HMCN1: variants seen among roughly 807,000 people sequenced by gnomAD.
The protein encoded by HMCN1 is hemicentin-1.
HMCN1 carries 321 observed loss-of-function variants against 625.9 expected under a neutral mutation model. That is an observed-to-expected ratio of 0.51 (90% confidence interval 0.47 to 0.56). HMCN1 has a LOEUF of 0.56. HMCN1 is among the 20% of genes least tolerant of loss of function. HMCN1 has a pLI of 0.00. For synonymous variants in HMCN1, 2,425 were observed against 2,417.6 expected, an observed-to-expected ratio of 1.00 and a Z score of -0.09; for missense variants, 6,588 against 6,887.3, an observed-to-expected ratio of 0.96 and a Z score of 1.54.
Position 186,007,317 on chromosome 1 carries a change from C to T in HMCN1, c.4630+35C>T, listed in dbSNP as rs747015151. The T allele has an allele frequency of 9.7e-5, 155 of 1,600,530 alleles. 2 individuals carry two copies. The highest frequency in any genetic ancestry group is 2.7e-5 in the Non-Finnish European group (31 of 1,168,342). ...ATTGTCTTATGCTTTTTATTGTCTG[C>T]TCTCATTATAAGTTGACAAGCAGGG... On this transcript the variant is annotated intron_variant, in intron 30 of 106. Transcript: ENST00000271588.
chr1:185,876,188 T>A (rs1475879711), intron 4 of HMCN1, among the ~76,000 whole-genome samples: 1 of 152,028 alleles, frequency 6.6e-6, no homozygotes, highest in Admixed American at 6.6e-5. Flanking sequence ...TTTTGAGTTA[T>A]TTCATTTAAG....
intron 104 of HMCN1, among the ~76,000 whole-genome samples, chr1:186,180,216 C>A (rs1558286420): frequency 6.6e-6 from 1 of 152,106 alleles, no homozygotes; most frequent in Non-Finnish European, 1.5e-5. Flanking sequence ...AAATTTTATG[C>A]CCACAATTTT....
At chr1:185,768,199 T>C (rs1262003927) in intron 1 of HMCN1, among the ~76,000 whole-genome samples, 3 of 152,198 alleles carry the variant, frequency 2.0e-5, no homozygotes, top group African/African-American at 7.2e-5. Flanking sequence ...AAACTTACAA[T>C]TGGTATAACC....
chr1:186,009,536 T>C (rs763235939), intron 30 of HMCN1, among the ~76,000 whole-genome samples: 13 of 152,084 alleles, frequency 8.5e-5, no homozygotes, highest in Admixed American at 2.6e-4. Context: ...GAAGAATACA[T>C]ATGTAGATTT....
chr1:185,791,220 A>G (rs1035455939), intron 1 of HMCN1, among the ~76,000 whole-genome samples: 3 of 152,166 alleles, frequency 2.0e-5, no homozygotes, highest in Non-Finnish European at 4.4e-5. Flanking sequence ...AGAGATAACT[A>G]GTTTGTTCAT....
At chr1:185,833,623 A>G (rs1312607968) in intron 1 of HMCN1, among the ~76,000 whole-genome samples, 2 of 152,038 alleles carry the variant, frequency 1.3e-5, no homozygotes, top group African/African-American at 4.8e-5. Context: ...TTTGATTTTT[A>G]TGATTAAATA....
At chr1:185,781,305 A>G (rs7532816) in intron 1 of HMCN1, among the ~76,000 whole-genome samples, 7,610 of 151,980 alleles carry the variant, frequency 0.05, 572 homozygotes, top group African/African-American at 0.17. Context: ...ACCAGCTCCT[A>G]GATTGATTAA....
intron 1 of HMCN1, among the ~76,000 whole-genome samples, chr1:185,791,195 G>A (rs534439984): frequency 1.1e-4 from 16 of 151,836 alleles, no homozygotes; most frequent in Admixed American, 8.5e-4. Flanking sequence ...TATCTTTCTC[G>A]GTACACTTGA....
At chr1:185,766,235 A>G (rs1224389216) in intron 1 of HMCN1, among the ~76,000 whole-genome samples, 1 of 152,132 alleles carries the variant, frequency 6.6e-6, no homozygotes, top group South Asian at 2.1e-4. Context: ...TATAATCTGA[A>G]AAGCATGAGA....
intron 93 of HMCN1, among the ~76,000 whole-genome samples, chr1:186,149,123 C>T (rs1286900778): frequency 1.3e-5 from 2 of 152,280 alleles, no homozygotes; most frequent in African/African-American, 4.8e-5. Context: ...TTGACCTCAA[C>T]TTAAAGTCAC....
chr1:185,994,253 A>G (rs1652632172), intron 23 of HMCN1, among the ~76,000 whole-genome samples: 1 of 152,120 alleles, frequency 6.6e-6, no homozygotes, highest in Non-Finnish European at 1.5e-5. Flanking sequence ...TGGTGTTTTG[A>G]TAAACTACTG....
intron 48 of HMCN1, among the ~76,000 whole-genome samples, chr1:186,064,158 A>C (rs143189074): frequency 6.6e-6 from 1 of 152,176 alleles, no homozygotes; most frequent in African/African-American, 2.4e-5. Flanking sequence ...CAACAGTTGC[A>C]TAGACAAGCA....
Position 186,137,479 on chromosome 1 carries a change from T to C in HMCN1, c.13583-19T>C. The C allele has an allele frequency of 6.2e-7, 1 of 1,611,176 alleles. No individual in the cohort carries two copies. Among genetic ancestry groups the C allele is most frequent in the Non-Finnish European group, 8.5e-7 (1 of 1,178,794 alleles). On this transcript the variant is annotated intron_variant, in intron 87 of 106. Coordinates refer to ENST00000271588, the MANE Select transcript of HMCN1 (RefSeq NM_031935.3). ...TTTATTTGCAAAAGCTTAGACAAAG[T>C]ACAATGTTTTATTTGCAGTTCATGG...
Position 185,734,748 on chromosome 1 carries a change from TGAGGGGGAAAAA to T in HMCN1, c.-19_-8del, listed in dbSNP as rs751600443. ...AGGACTGAGCACAGTGCTTAGGCGC[TGAGGGGGAAAAA>T]GAGGGGGAAAAAAAAGAAAATGATT... On this transcript the variant is annotated 5_prime_UTR_variant, in exon 1 of 107. Transcript: ENST00000271588. 27 of 1,611,992 alleles carry T rather than the reference TGAGGGGGAAAAA, an allele frequency of 1.7e-5. No homozygotes were observed. Among genetic ancestry groups the T allele is most frequent in the Admixed American group, 6.7e-5 (4 of 59,984 alleles).
intron 7 of HMCN1, 93 bp from the exon 8 acceptor site, chr1:185,923,297 G>C: frequency 4.1e-6 from 4 of 976,706 alleles, no homozygotes; most frequent in Non-Finnish European, 6.3e-6. Context: ...CATCCTTATG[G>C]TACTCATATA....
intron 1 of HMCN1, among the ~76,000 whole-genome samples, chr1:185,756,951 C>T (rs527715340): frequency 3.3e-5 from 5 of 152,098 alleles, no homozygotes; most frequent in Middle Eastern, 3.4e-3. Flanking sequence ...AAATTAGACA[C>T]CTTTCAGCAG....
chr1:185,943,224 T>A (rs1034145035), intron 11 of HMCN1, among the ~76,000 whole-genome samples: 1 of 151,982 alleles, frequency 6.6e-6, no homozygotes, highest in Admixed American at 6.6e-5. Flanking sequence ...GACAAGGCGG[T>A]TGTGGGAACT....
At chr1:185,862,666 A>G (rs1333690528) in intron 2 of HMCN1, among the ~76,000 whole-genome samples, 2 of 152,180 alleles carry the variant, frequency 1.3e-5, no homozygotes, top group African/African-American at 4.8e-5. Flanking sequence ...GAGCGGTGTT[A>G]TTTGTTAAAC....
At chr1:185,845,162 G>A (rs975327738) in intron 1 of HMCN1, among the ~76,000 whole-genome samples, 1 of 152,174 alleles carries the variant, frequency 6.6e-6, no homozygotes, top group African/African-American at 2.4e-5. Flanking sequence ...AAAAGTTATA[G>A]GGACTATTTC....
Sources: allele counts gnomAD v4.1 joint callset (sites outside exome capture counted in the v4.1 genomes callset), GRCh38; gene constraint gnomAD v4.1.1; transcripts MANE v1.5; gene names NCBI Gene and HGNC (gene_info 2026-07-23, HGNC 2026-07-21).